The following FMN1 variants were observed in gnomAD, a reference collection of about 807,000 sequenced individuals.
FMN1 encodes formin 1, also known as formin-1.
FMN1 carries 110 observed loss-of-function variants against 132.4 expected under a neutral mutation model. The observed-to-expected ratio is 0.83, with a 90% CI of 0.71 to 0.97. The LOEUF (loss-of-function observed/expected upper bound fraction) is 0.97, where lower values mean the gene tolerates loss of function less well. Among genes scored for constraint, FMN1 ranks in the 50% least tolerant of loss-of-function variants. The pLI is 0.00. For missense variants in FMN1, 1,792 were observed against 1,705.3 expected, an observed-to-expected ratio of 1.05 and a Z score of -0.90; for synonymous variants, 722 against 651.7, an observed-to-expected ratio of 1.11 and a Z score of -1.64.
At chr15:32,988,049 G>GTTTTTTTTTTTTTTT (rs10573409) in intron 7 of FMN1, among the ~76,000 whole-genome samples, 16 of 118,166 alleles carry the variant, frequency 1.4e-4, no homozygotes, top group Non-Finnish European at 1.7e-4. Flanking sequence ...TGTCTCTCCA[G>GTTTTTTTTTTTTTTT]TTTTTTTTTT....
chr15:33,018,981 C>T (rs1238988502), intron 6 of FMN1, among the ~76,000 whole-genome samples: 1 of 152,172 alleles, frequency 6.6e-6, no homozygotes, highest in East Asian at 1.9e-4. Flanking sequence ...AAGGAGTGAG[C>T]AGCAGCAAGA....
At chr15:32,897,073 T>TTTTGCAG (rs973314918) in intron 15 of FMN1, among the ~76,000 whole-genome samples, 2 of 152,186 alleles carry the variant, frequency 1.3e-5, no homozygotes, top group African/African-American at 4.8e-5. Context: ...TGTCAACACT[T>TTTTGCAG]GCTATTTTCC....
chr15:33,100,538 G>A (rs565465361), intron 4 of FMN1, among the ~76,000 whole-genome samples: 9 of 152,234 alleles, frequency 5.9e-5, no homozygotes, highest in African/African-American at 2.2e-4. Flanking sequence ...GTCAAGATGG[G>A]GAGAGGGAAA....
Position 33,154,138 on chromosome 15 carries a change from G to T in FMN1, c.777C>A (p.Asp259Glu). Residue 259 changes from aspartate (D) to glutamate (E), a missense_variant, in exon 4 of 21, where the codon GAC (aspartate) becomes GAA (glutamate). Physicochemically the swap from Asp to Glu is conservative, Grantham distance 45. Transcript: ENST00000616417. ...GFGSFETAFK[D>E]TGLGREVLPP... ...GCAGCACTTCTCTTCCAAGCCCAGT[G>T]TCCTTGAAAGCCGTCTCAAAGCTCC... The T allele has an allele frequency of 1.3e-6, 2 of 1,536,320 alleles. No individual in the cohort carries two copies. Among genetic ancestry groups the T allele is most frequent in the Non-Finnish European group, 1.7e-6 (2 of 1,146,940 alleles).
chr15:32,965,496 T>A (rs1261374164), intron 8 of FMN1, among the ~76,000 whole-genome samples: 1 of 152,222 alleles, frequency 6.6e-6, no homozygotes, highest in East Asian at 1.9e-4. Context: ...ATCCATAACA[T>A]CTAAAAGTAT....
At chr15:32,909,101 C>T (rs578068514) in intron 11 of FMN1, among the ~76,000 whole-genome samples, 1 of 152,304 alleles carries the variant, frequency 6.6e-6, no homozygotes, top group African/African-American at 2.4e-5. Flanking sequence ...ATTTATCCAA[C>T]TATTTCAGTT....
chr15:32,947,411 A>G (rs1240666452), intron 9 of FMN1, among the ~76,000 whole-genome samples: 1 of 152,070 alleles, frequency 6.6e-6, no homozygotes, highest in Non-Finnish European at 1.5e-5. Context: ...CTGCCATACT[A>G]TAGCCACTCT....
chr15:32,914,390 T>A (rs573598796), intron 10 of FMN1, among the ~76,000 whole-genome samples: 1 of 152,298 alleles, frequency 6.6e-6, no homozygotes, highest in East Asian at 1.9e-4. Context: ...AAGCAGCAGA[T>A]AATAGGCTCA....
rs1376610142 is a variant in FMN1, at chr15:33,120,660, T to A, written c.1868-31686A>T. On this transcript the variant is annotated intron_variant, in intron 4 of 20. Transcript: ENST00000616417. ...TCGTGTTCTGGTATTCCTGGATCATTGGTGTGTCAGTTCATATATATCTAC... is the reference window on the plus strand; with the variant it reads ...TCGTGTTCTGGTATTCCTGGATCATAGGTGTGTCAGTTCATATATATCTAC... 3.3e-5 allele frequency among the ~76,000 whole-genome samples: 5 copies of A among 152,174 alleles called. No individual in the cohort carries two copies. The East Asian group carries it at 9.6e-4, about 29-fold the overall frequency.
chr15:32,825,622 T>G (rs2058345278), intron 17 of FMN1, among the ~76,000 whole-genome samples: 1 of 152,250 alleles, frequency 6.6e-6, no homozygotes. Context: ...TTTTGTCTCT[T>G]GCGCTTGCTA....
At chr15:32,958,265 C>T (rs1440189869) in intron 9 of FMN1, among the ~76,000 whole-genome samples, 3 of 152,108 alleles carry the variant, frequency 2.0e-5, no homozygotes, top group Non-Finnish European at 4.4e-5. Flanking sequence ...TACTCTCATT[C>T]ATAAACTTCA....
rs1458929083 is a variant in FMN1, at chr15:33,098,815, C to T, written c.1868-9841G>A. On this transcript the variant is annotated intron_variant, in intron 4 of 20. Transcript: ENST00000616417. ...CCCTTTTCCCTGCCTCTAGTTCTTG[C>T]CAGGTTCCTGTAATACTCTCTCCTC... 2.0e-5 allele frequency among the ~76,000 whole-genome samples: 3 copies of T among 152,280 alleles called. No homozygotes were observed. In the East Asian group the frequency reaches 5.8e-4, roughly 29 times the overall value.
At chr15:32,868,466 T>C (rs55890929) in intron 16 of FMN1, among the ~76,000 whole-genome samples, 8,984 of 152,244 alleles carry the variant, frequency 0.059, 865 homozygotes, top group African/African-American at 0.21. Context: ...GGCTACACCA[T>C]CTATGTTTGT....
intron 4 of FMN1, among the ~76,000 whole-genome samples, chr15:33,119,977 C>A (rs1331418377): frequency 2.6e-5 from 4 of 152,160 alleles, no homozygotes; most frequent in African/African-American, 4.8e-5. Context: ...TTAAGCGTCA[C>A]AACACCTCAT....
At chr15:33,067,704 G>A (rs1595395092) in intron 5 of FMN1, 1 of 1,613,946 alleles carries the variant, frequency 6.2e-7, no homozygotes, top group African/African-American at 1.3e-5. Flanking sequence ...TCTAAACTAT[G>A]GAATGCTTTC....
At chr15:33,130,267 G>A (rs761705656) in intron 4 of FMN1, among the ~76,000 whole-genome samples, 1 of 152,048 alleles carries the variant, frequency 6.6e-6, no homozygotes, top group Non-Finnish European at 1.5e-5. Context: ...GGAGAAATTC[G>A]TTGTGTTCAG....
intron 6 of FMN1, among the ~76,000 whole-genome samples, chr15:33,039,447 T>TA (rs2036328574): frequency 6.6e-6 from 1 of 152,212 alleles, no homozygotes; most frequent in South Asian, 2.1e-4. Context: ...CATAATAGGT[T>TA]ATTGAGGAAA....
At chr15:32,846,014 G>A (rs1212602777) in intron 17 of FMN1, among the ~76,000 whole-genome samples, 1 of 151,112 alleles carries the variant, frequency 6.6e-6, no homozygotes, top group Non-Finnish European at 1.5e-5. Flanking sequence ...ACATAGAAAG[G>A]TTAAGTGGTG....
chr15:32,942,843 C>T (rs931158001), intron 9 of FMN1, among the ~76,000 whole-genome samples: 1 of 152,178 alleles, frequency 6.6e-6, no homozygotes, highest in African/African-American at 2.4e-5. Context: ...GCTGGCACTT[C>T]AGGGAACTAA....
Sources: gnomAD v4.1 joint callset for allele counts (sites outside exome capture counted in the v4.1 genomes callset) on GRCh38, gnomAD v4.1.1 for gene constraint, MANE v1.5 for transcripts, NCBI Gene and HGNC (gene_info 2026-07-23, HGNC 2026-07-21) for gene names.